The following KAT6B variants were observed in gnomAD, a reference collection of about 807,000 sequenced individuals.
The protein encoded by KAT6B is lysine acetyltransferase 6B, also known as histone acetyltransferase KAT6B.
KAT6B carries 10 observed loss-of-function variants against 187.5 expected under a neutral mutation model. The ratio of observed to expected loss-of-function variants is 0.05; its 90% CI spans 0.03 to 0.09. The LOEUF is 0.09. Ranked by LOEUF, KAT6B falls within the 10% of genes least tolerant of loss-of-function variation. The probability of loss-of-function intolerance (pLI) is 1.00; values close to 1 mark genes in which losing one functional copy is unlikely to be tolerated. For missense variants in KAT6B, 1,952 were observed against 2,558.9 expected (o/e 0.76, Z 5.12); for synonymous variants, 861 against 926.8 (o/e 0.93, Z 1.29).
chr10:74,856,012 G>A (rs1456747935), intron 3 of KAT6B, among the ~76,000 whole-genome samples: 2 of 151,836 alleles, frequency 1.3e-5, no homozygotes, highest in Non-Finnish European at 1.5e-5. Context: ...ATACTATTAC[G>A]CAAAAAATTC....
intron 3 of KAT6B, among the ~76,000 whole-genome samples, chr10:74,943,050 C>T (rs911640734): frequency 3.3e-5 from 5 of 152,100 alleles, no homozygotes; most frequent in Non-Finnish European, 7.3e-5. Context: ...AATAGTGTCT[C>T]TAGTTTTAGA....
chr10:74,974,812 A>G lies in KAT6B; in HGVS notation c.1062-587A>G, dbSNP rs894197142. On this transcript the variant is annotated intron_variant, in intron 7 of 17. Coordinates refer to ENST00000287239, the MANE Select transcript of KAT6B (RefSeq NM_012330.4). Reference sequence around the variant, plus strand: ...GTAGTTAATTGTCTTCTCTCCTAAGAGAGTATTATTGGTTATCTTACCATC... The same window carrying G: ...GTAGTTAATTGTCTTCTCTCCTAAGGGAGTATTATTGGTTATCTTACCATC... 2.7e-4 allele frequency among the ~76,000 whole-genome samples: 41 copies of G among 152,128 alleles called. 2 individuals carry two copies. Among genetic ancestry groups the G allele is most frequent in the Non-Finnish European group, 1.9e-4 (13 of 68,032 alleles).
At chr10:74,842,496 T>A (rs1841817304) in intron 2 of KAT6B, 104 bp from the exon 3 acceptor site, 2 of 495,050 alleles carry the variant, frequency 4.0e-6, no homozygotes, top group Non-Finnish European at 6.7e-6. Flanking sequence ...TGTCATTACT[T>A]CTTGTGGTCA....
At chr10:74,931,665 C>A (rs1564571101) in intron 3 of KAT6B, among the ~76,000 whole-genome samples, 1 of 152,184 alleles carries the variant, frequency 6.6e-6, no homozygotes, top group Non-Finnish European at 1.5e-5. Context: ...GATGGAAGAT[C>A]TGGCCTTTTA....
At chr10:74,932,320 C>G (rs1848940002) in intron 3 of KAT6B, among the ~76,000 whole-genome samples, 1 of 152,182 alleles carries the variant, frequency 6.6e-6, no homozygotes, top group African/African-American at 2.4e-5. Context: ...TAGTTATCCC[C>G]ATTTCACAGA....
intron 13 of KAT6B, among the ~76,000 whole-genome samples, chr10:75,017,110 A>C (rs909808517): frequency 2.0e-5 from 3 of 151,556 alleles, no homozygotes; most frequent in Non-Finnish European, 4.4e-5. Context: ...TGATCTGCCC[A>C]CCTCAGCCTC....
intron 3 of KAT6B, among the ~76,000 whole-genome samples, chr10:74,921,511 T>G (rs1470341865): frequency 6.6e-6 from 1 of 152,216 alleles, no homozygotes; most frequent in Non-Finnish European, 1.5e-5. Flanking sequence ...GCATTTGTTC[T>G]AACCACTGAG....
chr10:74,951,049 T>A (rs1390034941), intron 3 of KAT6B, among the ~76,000 whole-genome samples: 2 of 151,930 alleles, frequency 1.3e-5, no homozygotes, highest in African/African-American at 4.8e-5. Flanking sequence ...AACCGATACA[T>A]AGTCTTGTTA....
intron 3 of KAT6B, among the ~76,000 whole-genome samples, chr10:74,882,480 T>C (rs982130782): frequency 2.0e-5 from 3 of 152,242 alleles, no homozygotes; most frequent in Non-Finnish European, 4.4e-5. Flanking sequence ...AAAGGTATTA[T>C]TGTGTATGAG....
chr10:74,893,468 TG>T (rs1299251324), intron 3 of KAT6B, among the ~76,000 whole-genome samples: 162 of 151,970 alleles, frequency 1.1e-3, no homozygotes, highest in African/African-American at 3.4e-3. Flanking sequence ...TTTTTTTTTT[TG>T]TTTTTTGTTT....
At chr10:74,977,832 G>A (rs775767129) in intron 9 of KAT6B, among the ~76,000 whole-genome samples, 1 of 152,210 alleles carries the variant, frequency 6.6e-6, no homozygotes, top group African/African-American at 2.4e-5. Flanking sequence ...CAGATGGCCA[G>A]CCATATGAAA....
At chr10:74,888,318 CA>C (rs1845430240) in intron 3 of KAT6B, among the ~76,000 whole-genome samples, 1 of 151,946 alleles carries the variant, frequency 6.6e-6, no homozygotes. Flanking sequence ...AATTAAAAAA[CA>C]AATAACAGAC....
In KAT6B at chr10:74,972,501, A is replaced by T. The variant is rs1304455646; in HGVS notation, c.929-6A>T. On this transcript the variant is annotated splice_region_variant and splice_polypyrimidine_tract_variant and intron_variant, in intron 6 of 17. Coordinates refer to ENST00000287239, the MANE Select transcript of KAT6B (RefSeq NM_012330.4). ...AAATATTTTTCTCATATATATATTAATTCAGGGATGTGGATTTGCCAAGTC... is the reference window on the plus strand; with the variant it reads ...AAATATTTTTCTCATATATATATTATTTCAGGGATGTGGATTTGCCAAGTC... The T allele has an allele frequency of 6.4e-7, 1 of 1,569,204 alleles. No homozygotes were observed. The highest frequency in any genetic ancestry group is 1.1e-5 in the South Asian group (1 of 88,390).
intron 1 of KAT6B, among the ~76,000 whole-genome samples, chr10:74,834,790 G>A (rs1254234587): frequency 6.6e-6 from 1 of 152,170 alleles, no homozygotes; most frequent in Non-Finnish European, 1.5e-5. Context: ...AAAGTGCTGG[G>A]ATTAGAGGCA....
At chr10:75,025,707 C>T (rs558330334) in intron 17 of KAT6B, 3 of 211,578 alleles carry the variant, frequency 1.4e-5, no homozygotes, top group Admixed American at 5.3e-5. Context: ...TCAGTAGTGT[C>T]GTAGTATATA....
intron 3 of KAT6B, among the ~76,000 whole-genome samples, chr10:74,946,740 A>T (rs1839976070): frequency 6.6e-6 from 1 of 152,182 alleles, no homozygotes; most frequent in Non-Finnish European, 1.5e-5. Flanking sequence ...GTGGAAAGGT[A>T]TGAGCAGGGA....
chr10:74,936,889 T>A (rs1849315017), intron 3 of KAT6B, among the ~76,000 whole-genome samples: 1 of 152,254 alleles, frequency 6.6e-6, no homozygotes, highest in Non-Finnish European at 1.5e-5. Flanking sequence ...AGAGAAGTTA[T>A]GAAGGAGGAT....
chr10:74,843,568 AATAAAGTTTG>A, intron 3 of KAT6B, 90 bp downstream of exon 3: 1 of 1,496,426 alleles, frequency 6.7e-7, no homozygotes, highest in Non-Finnish European at 9.3e-7. Flanking sequence ...AAAAGTTCTG[AATAAAGTTTG>A]ATAAAATTGA....
At chr10:74,944,579 G>A (rs1371211046) in intron 3 of KAT6B, among the ~76,000 whole-genome samples, 1 of 152,132 alleles carries the variant, frequency 6.6e-6, no homozygotes, top group African/African-American at 2.4e-5. Flanking sequence ...GGAGGTCAAG[G>A]CGGGTGGATC....
Sources: allele counts gnomAD v4.1 joint callset (sites outside exome capture counted in the v4.1 genomes callset), GRCh38; gene constraint gnomAD v4.1.1; transcripts MANE v1.5; gene names NCBI Gene and HGNC (gene_info 2026-07-23, HGNC 2026-07-21).